Variants in ATAD3B observed in about 807,000 individuals in gnomAD.
ATAD3B encodes the protein ATPase family AAA domain-containing protein 3B.
In ATAD3B, 59 loss-of-function variants were observed where a neutral mutation model predicts 70.2. That is an observed-to-expected ratio of 0.84 (90% CI 0.68 to 1.04). ATAD3B has a LOEUF of 1.04. Among genes scored for constraint, ATAD3B ranks in the 50% least tolerant of loss-of-function variants. The pLI is 0.00. For missense variants in ATAD3B, 961 were observed against 913.4 expected (o/e 1.05, Z -0.67); for synonymous variants, 423 against 388.6 (o/e 1.09, Z -1.04).
chr1:1,481,020 C>T lies in ATAD3B; in HGVS notation c.514+84C>T, dbSNP rs1391687198. On this transcript the variant is annotated intron_variant, in intron 5 of 15. Transcript: ENST00000673477. Reference sequence around the variant, plus strand: ...CGTGCACTCTGAGCCTGAGTTCTGCCGCCCGGCCCCTCATAGCTACCAGTG... The same window carrying T: ...CGTGCACTCTGAGCCTGAGTTCTGCTGCCCGGCCCCTCATAGCTACCAGTG... 9.6e-6 allele frequency: 15 copies of T among 1,557,774 alleles called. 1 individual carries two copies. The highest frequency in any genetic ancestry group is 3.1e-5 in the African/African-American group (2 of 65,014).
At position 1,486,133 on chromosome 1, in the gene ATAD3B, C is replaced by G. The variant is rs137891430; in HGVS notation, c.987C>G (p.Arg329=). The change falls in exon 10 of 16, where the codon CGC becomes CGG. Residue 329 remains arginine (R), a synonymous_variant. Transcript: ENST00000673477. The part of the protein sequence containing the change: ...VLSPSLEARV[R]DIAIATRNTK... Reference sequence around the variant, plus strand: ...AGCCCAGCCTGGAAGCACGGGTGCGCGACATCGCCATAGCAACCAGGAACA... The same window carrying G: ...AGCCCAGCCTGGAAGCACGGGTGCGGGACATCGCCATAGCAACCAGGAACA... 3 of 1,613,178 alleles carry G rather than the reference C, an allele frequency of 1.9e-6. No individual in the cohort carries two copies. Among genetic ancestry groups the G allele is most frequent in the East Asian group, 2.2e-5 (1 of 44,878 alleles).
chr1:1,495,952 G>A lies in ATAD3B; in HGVS notation c.*135G>A. The A allele has an allele frequency of 7.1e-7, 1 of 1,402,490 alleles. No individual in the cohort carries two copies. The highest frequency in any genetic ancestry group is 9.3e-7 in the Non-Finnish European group (1 of 1,080,864). The allele number at this position is 1,402,490 out of a possible 1,614,324, so 86.9% of individuals were successfully genotyped here. On this transcript the variant is annotated 3_prime_UTR_variant, in exon 16 of 16. Transcript: ENST00000673477. The stretch of plus-strand genomic sequence containing the variant: ...TGCCCAGGCCACTGTGAGGGTGGGT[G>A]CTGGCTGAGCCCCTGGGGCAGAAGG...
intron 12 of ATAD3B, 42 bp from the exon 13 acceptor site, chr1:1,489,162 G>C: frequency 6.2e-7 from 1 of 1,612,304 alleles, no homozygotes; most frequent in Non-Finnish European, 8.5e-7. Context: ...TGTTTACAAG[G>C]CTTTGCTTCT....
At chr1:1,487,600 G>A (rs879554887) in intron 11 of ATAD3B, among the ~76,000 whole-genome samples, 1 of 151,838 alleles carries the variant, frequency 6.6e-6, no homozygotes, top group African/African-American at 2.4e-5. Context: ...TGGTTGGCTG[G>A]TGTGTGGGTG....
chr1:1,495,575 A>G lies in ATAD3B; in HGVS notation c.1705A>G (p.Met569Val), dbSNP rs760494760. Residue 569 changes from methionine (M) to valine (V), a missense_variant, in exon 16 of 16, where the codon ATG (methionine) becomes GTG (valine). By Grantham distance (21) the Met-to-Val change is conservative (BLOSUM62 1). Coordinates refer to ENST00000673477, the MANE Select transcript of ATAD3B (RefSeq NM_031921.6). ...TGCTGTCCAGCAGTACCGACAGAAG[A>G]TGCGCTGGCTGAAGGCGGAGGGGCC... ...QDAVQQYRQK[M>V]RWLKAEGPGR... 1.1e-5 allele frequency: 17 copies of G among 1,613,110 alleles called. No individual in the cohort carries two copies. Among genetic ancestry groups the G allele is most frequent in the South Asian group, 6.6e-5 (6 of 91,026 alleles).
intron 7 of ATAD3B, 130 bp from the exon 8 acceptor site, chr1:1,484,886 T>C: frequency 1.4e-6 from 2 of 1,434,122 alleles, no homozygotes; most frequent in South Asian, 1.5e-5. Context: ...TTCGGGTTCC[T>C]GTGGGGCCAG....
intron 12 of ATAD3B, among the ~76,000 whole-genome samples, 180 bp from the exon 13 acceptor site, chr1:1,489,024 A>T (rs1326916036): frequency 6.6e-6 from 1 of 151,636 alleles, no homozygotes; most frequent in African/African-American, 2.4e-5. Flanking sequence ...CAGCCTCCCA[A>T]AATGCTGGGT....
rs1372273085 is a variant in ATAD3B at position 1,479,090 on chromosome 1, G to A, written c.426G>A (p.Glu142=). 2.3e-5 allele frequency: 30 copies of A among 1,308,490 alleles called. No individual in the cohort carries two copies. Among genetic ancestry groups the A allele is most frequent in the Non-Finnish European group, 2.9e-5 (28 of 962,956 alleles). The allele number at this position is 1,308,490 out of a possible 1,614,324, so 81.1% of individuals were successfully genotyped here. ...ACAAGCTGGCCCGGCAGCGCTACGA[G>A]GACCAACTGAAGCAGCAGGTGAGCT... The part of the protein sequence containing the change: ...YQDKLARQRY[E]DQLKQQQLLN... Residue 142 remains glutamate (E), a synonymous_variant, in exon 4 of 16, where the codon GAG becomes GAA. Coordinates refer to ENST00000673477, the MANE Select transcript of ATAD3B (RefSeq NM_031921.6).
chr1:1,484,709 G>T, intron 7 of ATAD3B: 2 of 518,058 alleles, frequency 3.9e-6, no homozygotes, highest in Non-Finnish European at 6.5e-6. Context: ...GTACCAGAGG[G>T]TGTGGCCCTG....
downstream of ATAD3B, among the ~76,000 whole-genome samples, chr1:1,499,593 T>G (rs1237738330): frequency 3.5e-5 from 5 of 143,980 alleles, no homozygotes; most frequent in African/African-American, 1.3e-4. Context: ...GCTCTTTTTT[T>G]TTTTTTTTTT....
intron 4 of ATAD3B, 119 bp from the exon 5 acceptor site, chr1:1,480,748 C>G (rs1639867845): frequency 6.6e-7 from 1 of 1,525,204 alleles, no homozygotes; most frequent in Non-Finnish European, 8.8e-7. Context: ...GTCTGCAGGT[C>G]CCCAGGTGCC....
In ATAD3B at chr1:1,471,772, C is replaced by A; in HGVS notation, c.-113C>A. ...CGGGAGGAAGGGGTGTGTGTTTCGC[C>A]TGCGCAGTGGTCCTGGCCACCGGCT... On this transcript the variant is annotated 5_prime_UTR_variant, in exon 1 of 16. The change creates a new upstream start codon in the 5' untranslated region. Transcript: ENST00000673477. 8.3e-7 allele frequency: 1 copy of A among 1,207,728 alleles called. No homozygotes were observed. Among genetic ancestry groups the A allele is most frequent in the South Asian group, 4.2e-5 (1 of 24,044 alleles). 74.8% of individuals were successfully genotyped at this position (1,207,728 alleles called of 1,614,324 possible). A position where few individuals can be genotyped will look rare whatever the true frequency, so the allele number is the denominator to read the frequency against.
chr1:1,475,512 C>T (rs1191464625), intron 1 of ATAD3B, among the ~76,000 whole-genome samples: 1 of 151,942 alleles, frequency 6.6e-6, no homozygotes, highest in Non-Finnish European at 1.5e-5. Context: ...AAACGGGCGG[C>T]TCCTCCTCAC....
At chr1:1,506,645 A>G in the ATAD3B span, among the ~76,000 whole-genome samples, 1 of 152,122 alleles carries the variant, frequency 6.6e-6, no homozygotes, top group Non-Finnish European at 1.5e-5. Flanking sequence ...GTAAATGGAA[A>G]TGGTTTCATA....
At chr1:1,499,755 C>T (rs752418893), downstream of ATAD3B, among the ~76,000 whole-genome samples, 3 of 151,118 alleles carry the variant, frequency 2.0e-5, no homozygotes, top group South Asian at 2.1e-4. Context: ...CCACCAAGCC[C>T]GGCTAATTTT....
At chr1:1,498,562 TG>T (rs1010147790), downstream of ATAD3B, among the ~76,000 whole-genome samples, 1 of 151,770 alleles carries the variant, frequency 6.6e-6, no homozygotes, top group African/African-American at 2.4e-5. Flanking sequence ...GGGAACTCAT[TG>T]GGTTTTTCTC....
intron 3 of ATAD3B, 105 bp downstream of exon 3, chr1:1,478,850 T>TA (rs1487979947): frequency 1.1e-6 from 1 of 938,752 alleles, no homozygotes; most frequent in East Asian, 2.7e-5. Flanking sequence ...AGTCAGCCAT[T>TA]AGAGCTGCCC....
intron 6 of ATAD3B, 66 bp from the exon 7 acceptor site, chr1:1,482,479 A>G (rs1639969969): frequency 6.2e-7 from 1 of 1,612,204 alleles, no homozygotes; most frequent in Non-Finnish European, 8.5e-7. Context: ...CTCACCCTCA[A>G]CCTGCTCTCG....
At chr1:1,486,076 A>T (rs1640196746) in intron 9 of ATAD3B, 34 bp from the exon 10 acceptor site, 1 of 1,612,508 alleles carries the variant, frequency 6.2e-7, no homozygotes, top group East Asian at 2.2e-5. Context: ...GTGGGTGCAG[A>T]GTGTCTCCCC....
Sources: allele counts gnomAD v4.1 joint callset (sites outside exome capture counted in the v4.1 genomes callset), GRCh38; gene constraint gnomAD v4.1.1; transcripts MANE v1.5; gene names NCBI Gene and HGNC (gene_info 2026-07-23, HGNC 2026-07-21).